Variants in ITSN1 observed in about 807,000 individuals in gnomAD.
The protein encoded by ITSN1 is intersectin-1.
A neutral mutation model predicts 239.8 loss-of-function variants in ITSN1; 58 were observed. That is an observed-to-expected ratio of 0.24 (90% CI 0.20 to 0.30). ITSN1 has a LOEUF of 0.30. Among genes scored for constraint, ITSN1 ranks in the 10% least tolerant of loss-of-function variants. ITSN1 has a pLI of 1.00. For synonymous variants in ITSN1, 780 were observed against 770.8 expected, an observed-to-expected ratio of 1.01 and a Z score of -0.20; for missense variants, 1,558 against 2,103.3, an observed-to-expected ratio of 0.74 and a Z score of 5.07.
intron 27 of ITSN1, among the ~76,000 whole-genome samples, chr21:33,832,207 C>A (rs2074335428): frequency 6.6e-6 from 1 of 152,232 alleles, no homozygotes; most frequent in African/African-American, 2.4e-5. Context: ...AGCGGCCAAC[C>A]AGCTCCAACC....
chr21:33,879,361 GAA>G (rs761525621), intron 34 of ITSN1, among the ~76,000 whole-genome samples: 159 of 152,234 alleles, frequency 1.0e-3, no homozygotes, highest in Admixed American at 3.3e-3. Flanking sequence ...AGAAAAAAAA[GAA>G]AGATTGAGGC....
At chr21:33,707,115 G>A (rs2092277257) in intron 1 of ITSN1, among the ~76,000 whole-genome samples, 1 of 152,118 alleles carries the variant, frequency 6.6e-6, no homozygotes, top group Non-Finnish European at 1.5e-5. Context: ...GTCTCTTGGG[G>A]GAGAGATGTG....
intron 34 of ITSN1, among the ~76,000 whole-genome samples, chr21:33,878,134 G>T (rs1279874839): frequency 6.6e-6 from 1 of 151,746 alleles, no homozygotes; most frequent in East Asian, 1.9e-4. Context: ...CTCCTCGAGT[G>T]ATTCTCCCAT....
chr21:33,871,140 A>C (rs559657716), intron 33 of ITSN1, among the ~76,000 whole-genome samples: 49 of 151,606 alleles, frequency 3.2e-4, no homozygotes, highest in Admixed American at 2.3e-3. Context: ...CAAAAAAAAA[A>C]CAAAAAACAA....
chr21:33,757,307 T>C (rs115551800), intron 8 of ITSN1, among the ~76,000 whole-genome samples: 2 of 151,216 alleles, frequency 1.3e-5, no homozygotes, highest in Admixed American at 6.6e-5. Flanking sequence ...ATTCCAAATA[T>C]AATGACCCAG....
chr21:33,650,991 T>A (rs2088475017), intron 1 of ITSN1, among the ~76,000 whole-genome samples: 2 of 151,716 alleles, frequency 1.3e-5, no homozygotes, highest in Non-Finnish European at 2.9e-5. Flanking sequence ...GGTAGCGGGG[T>A]TACCAGGATG....
In ITSN1 at chr21:33,768,042, C is replaced by T. The variant is rs540886694; in HGVS notation, c.1042+214C>T. Among the ~76,000 whole-genome samples the T allele has an allele frequency of 1.1e-4, 16 of 152,204 alleles. No individual in the cohort carries two copies. The East Asian group carries it at 2.5e-3, about 24-fold the overall frequency. ...AACATTATGCACTCTGCTAATGCAC[C>T]GTTGTTCTAACTTGTAACTTGAAAT... On this transcript the variant is annotated intron_variant, in intron 11 of 39. Transcript: ENST00000381318.
chr21:33,868,317 G>A (rs7281026), intron 33 of ITSN1, among the ~76,000 whole-genome samples: 61,901 of 151,868 alleles, frequency 0.41, 13,331 homozygotes, highest in East Asian at 0.5. Context: ...CCATGCACTC[G>A]CACTCCTCAG....
rs562394467 is a variant in ITSN1 at position 33,786,551 on chromosome 21, G to A, written c.1824+4418G>A. Among the ~76,000 whole-genome samples, 26 of 152,300 alleles carry A rather than the reference G, an allele frequency of 1.7e-4. 1 individual carries two copies. Among genetic ancestry groups the A allele is most frequent in the African/African-American group, 4.8e-4 (20 of 41,570 alleles). ...CACCTGACTTTACCTTGACCTTGGC[G>A]ATGTCAGTAGTTACTGTAGCAGTTT... On this transcript the variant is annotated intron_variant, in intron 16 of 39. Transcript: ENST00000381318.
At chr21:33,828,477 C>T (rs1373843375) in intron 26 of ITSN1, among the ~76,000 whole-genome samples, 1 of 152,234 alleles carries the variant, frequency 6.6e-6, no homozygotes, top group Non-Finnish European at 1.5e-5. Flanking sequence ...GTGGCCGACC[C>T]CTGATAGCAT....
intron 29 of ITSN1, among the ~76,000 whole-genome samples, chr21:33,840,665 T>C (rs2074791735): frequency 6.6e-6 from 1 of 151,868 alleles, no homozygotes; most frequent in Non-Finnish European, 1.5e-5. Context: ...CCTGGCTTAC[T>C]TTTTGTATTT....
intron 19 of ITSN1, among the ~76,000 whole-genome samples, chr21:33,801,289 C>T (rs1295925064): frequency 6.6e-6 from 1 of 152,136 alleles, no homozygotes; most frequent in African/African-American, 2.4e-5. Flanking sequence ...ATTACTCATG[C>T]ATTCATCTTG....
chr21:33,701,056 G>A, intron 1 of ITSN1, among the ~76,000 whole-genome samples: 1 of 150,530 alleles, frequency 6.6e-6, no homozygotes, highest in Non-Finnish European at 1.5e-5. Flanking sequence ...CTCAGCTCAT[G>A]CAATGCCACC....
intron 1 of ITSN1, among the ~76,000 whole-genome samples, chr21:33,711,652 T>TGGTG (rs1491569549): frequency 7.4e-6 from 1 of 134,792 alleles, no homozygotes; most frequent in Non-Finnish European, 1.7e-5. Context: ...TTTCTGTGTG[T>TGGTG]TGTGTGTGTG....
intron 4 of ITSN1, among the ~76,000 whole-genome samples, chr21:33,723,796 A>C (rs1569027129): frequency 6.6e-6 from 1 of 152,158 alleles, no homozygotes; most frequent in Non-Finnish European, 1.5e-5. Context: ...AAAACCAAGG[A>C]CTTATTGTGG....
chr21:33,886,227 A>G (rs1985779660), intron 38 of ITSN1, 60 bp from the exon 39 acceptor site: 3 of 1,387,150 alleles, frequency 2.2e-6, no homozygotes, highest in South Asian at 1.3e-5. Flanking sequence ...AAAAAAAAAA[A>G]AGAGTGGAGA....
intron 1 of ITSN1, among the ~76,000 whole-genome samples, chr21:33,648,088 A>G (rs2088146742): frequency 6.6e-6 from 1 of 152,152 alleles, no homozygotes; most frequent in African/African-American, 2.4e-5. Flanking sequence ...AGCCCCTTGT[A>G]CCTTCCCCCA....
intron 5 of ITSN1, among the ~76,000 whole-genome samples, chr21:33,745,170 C>T (rs1376540409): frequency 6.6e-6 from 1 of 152,182 alleles, no homozygotes; most frequent in Non-Finnish European, 1.5e-5. Flanking sequence ...CAAAGAGATC[C>T]ACCGTCAGCT....
rs972274710 is a variant in ITSN1, at chr21:33,875,046, C to T, written c.4174-308C>T. ...CATGTGTGGCTTGGGGTCCACCCTG[C>T]GATGTTAACATTTTGCCGGACAGAT... On this transcript the variant is annotated intron_variant, in intron 33 of 39. Transcript: ENST00000381318. Among the ~76,000 whole-genome samples, 6 of 152,212 alleles carry T rather than the reference C, an allele frequency of 3.9e-5. 1 individual carries two copies. The South Asian group carries it at 8.3e-4, about 21-fold the overall frequency.
Sources: allele counts gnomAD v4.1 joint callset (sites outside exome capture counted in the v4.1 genomes callset), GRCh38; gene constraint gnomAD v4.1.1; transcripts MANE v1.5; gene names NCBI Gene and HGNC (gene_info 2026-07-23, HGNC 2026-07-21).